Variants in NDUFS2 observed in about 807,000 individuals in gnomAD.
The protein encoded by NDUFS2 is NADH:ubiquinone oxidoreductase core subunit S2.
NDUFS2 carries 38 observed loss-of-function variants against 69.6 expected under a neutral mutation model. The observed-to-expected ratio is 0.55, with a 90% CI of 0.42 to 0.72. The LOEUF (loss-of-function observed/expected upper bound fraction) is 0.72, where lower values mean the gene tolerates loss of function less well. Ranked by LOEUF, NDUFS2 falls within the 30% of genes least tolerant of loss-of-function variation. NDUFS2 has a pLI of 0.00. For missense variants in NDUFS2, 468 were observed against 595.0 expected, an observed-to-expected ratio of 0.79 and a Z score of 2.22; for synonymous variants, 194 against 211.2, an observed-to-expected ratio of 0.92 and a Z score of 0.70.
At chr1:161,201,864 T>G (rs943178547), upstream of NDUFS2, among the ~76,000 whole-genome samples, 3 of 152,228 alleles carry the variant, frequency 2.0e-5, no homozygotes, top group African/African-American at 7.2e-5. Context: ...CTTAGGCTCC[T>G]TTCTCCAATC....
At chr1:161,204,877 C>G (rs1362660344) in intron 2 of NDUFS2, among the ~76,000 whole-genome samples, 1 of 152,040 alleles carries the variant, frequency 6.6e-6, no homozygotes, top group Non-Finnish European at 1.5e-5. Flanking sequence ...ATGGTGAAAC[C>G]CCGCCTCTAC....
chr1:161,207,484 G>A (rs1306897606), intron 3 of NDUFS2, among the ~76,000 whole-genome samples: 2 of 152,000 alleles, frequency 1.3e-5, no homozygotes, highest in African/African-American at 4.8e-5. Context: ...CACTCTGGCC[G>A]GGCTCACGCC....
chr1:161,212,541 G>C (rs1484042085), intron 10 of NDUFS2, 61 bp downstream of exon 10: 2 of 1,590,486 alleles, frequency 1.3e-6, no homozygotes, highest in Non-Finnish European at 1.7e-6. Context: ...CTGGGGAGGA[G>C]TATCCTTGGA....
chr1:161,213,489 G>T lies in NDUFS2; in HGVS notation c.1212+14G>T, dbSNP rs1347187467. 2.5e-6 allele frequency: 4 copies of T among 1,602,924 alleles called. No homozygotes were observed. The South Asian group carries it at 4.4e-5, about 18-fold the overall frequency. The stretch of plus-strand genomic sequence containing the variant: ...GAGGCTCCCAAGGTAAGGAGAGGAG[G>T]GGAAGGAAAAGACCATATGTAGAGT... On this transcript the variant is annotated intron_variant, in intron 11 of 13. Transcript: ENST00000676972.
At chr1:161,202,259 C>T (rs994282920), upstream of NDUFS2, 5 of 896,930 alleles carry the variant, frequency 5.6e-6, no homozygotes, top group Admixed American at 2.0e-5. Context: ...GTCAGTTCGA[C>T]GGTAAACGAC....
Position 161,214,258 on chromosome 1 carries a change from G to A in NDUFS2, c.*65G>A. On this transcript the variant is annotated 3_prime_UTR_variant, in exon 14 of 14. Coordinates refer to ENST00000676972, the MANE Select transcript of NDUFS2 (RefSeq NM_001377299.1). ...CTTCTGTGGAGCCTGTTCCTCACTGGAAATTGGCCTCTGTGTGTGTGTGTG... is the reference window on the plus strand; with the variant it reads ...CTTCTGTGGAGCCTGTTCCTCACTGAAAATTGGCCTCTGTGTGTGTGTGTG... The A allele has an allele frequency of 6.9e-7, 1 of 1,448,080 alleles. No individual in the cohort carries two copies. Among genetic ancestry groups the A allele is most frequent in the Non-Finnish European group, 9.6e-7 (1 of 1,039,574 alleles). 89.7% of individuals were successfully genotyped at this position (1,448,080 alleles called of 1,614,324 possible).
chr1:161,203,524 G>C lies in NDUFS2; in HGVS notation c.183G>C (p.Trp61Cys). 1 of 1,613,716 alleles carries C rather than the reference G, an allele frequency of 6.2e-7. No individual in the cohort carries two copies. Among genetic ancestry groups the C allele is most frequent in the Non-Finnish European group, 8.5e-7 (1 of 1,179,948 alleles). ...VMYPSKETAHWKPPPWNDVDP... is the reference protein window; with the variant it reads ...VMYPSKETAHCKPPPWNDVDP... ...ACCCAAGCAAAGAAACAGCCCACTGGAAGCCTCCACCTTGGAATGGTGAGT... is the reference window on the plus strand; with the variant it reads ...ACCCAAGCAAAGAAACAGCCCACTGCAAGCCTCCACCTTGGAATGGTGAGT... Residue 61 changes from tryptophan (W) to cysteine (C), a missense_variant, in exon 2 of 14, where the codon TGG becomes TGC. Coordinates refer to ENST00000676972, the MANE Select transcript of NDUFS2 (RefSeq NM_001377299.1).
rs1395155982 is a variant in NDUFS2 at position 161,206,538 on chromosome 1, C to T, written c.334C>T (p.His112Tyr). ...SGEMVRKCDP[H>Y]IGLLHRGTEK... is the part of the protein sequence containing the mutation. ...GGAGATGGTGCGGAAGTGTGATCCT[C>T]ACATCGGGCTCCTGCACCGAGGCAC... The change falls in exon 3 of 14, where the codon CAC becomes TAC. Residue 112 changes from histidine to tyrosine, a missense_variant. By Grantham distance (83) the His-to-Tyr change is moderately conservative. Coordinates refer to ENST00000676972, the MANE Select transcript of NDUFS2 (RefSeq NM_001377299.1). 6.2e-7 allele frequency: 1 copy of T among 1,614,170 alleles called. No homozygotes were observed. Among genetic ancestry groups the T allele is most frequent in the Non-Finnish European group, 8.5e-7 (1 of 1,180,030 alleles).
intron 3 of NDUFS2, 103 bp downstream of exon 3, chr1:161,206,700 A>T (rs1026948101): frequency 8.0e-7 from 1 of 1,257,386 alleles, no homozygotes. Context: ...GAAGGTGTTG[A>T]GAGGAGTAAC....
In NDUFS2 at chr1:161,202,458, C is replaced by A. The variant is rs761206241; in HGVS notation, c.73C>A (p.Arg25=). The change falls in exon 1 of 14, where the codon CGA becomes AGA. Residue 25 remains arginine (R), a synonymous_variant. Transcript: ENST00000676972. ...GGTGCTGCGGCCTGGGGCTGGAGTC[C>A]GATTGCCGATTCAGCCCAGCAGGTG... is the stretch of plus-strand genomic sequence containing the variant. ...AQVLRPGAGV[R]LPIQPSRGVR... 5.1e-5 allele frequency: 82 copies of A among 1,611,668 alleles called. No individual in the cohort carries two copies. In the South Asian group the frequency reaches 9.0e-4, roughly 18 times the overall value.
rs748063077 is a variant in NDUFS2 at position 161,212,331 on chromosome 1, C to T, written c.987-20C>T. 1 of 1,613,112 alleles carries T rather than the reference C, an allele frequency of 6.2e-7. No homozygotes were observed. Among genetic ancestry groups the T allele is most frequent in the South Asian group, 1.1e-5 (1 of 91,046 alleles). ...TGCTCCTCTGACTGTTCTTCTCTTG[C>T]TCTGTCTCATCTTCTTGAGGTACCT... On this transcript the variant is annotated intron_variant, in intron 9 of 13. Transcript: ENST00000676972.
At chr1:161,212,646 G>C (rs557908808) in intron 10 of NDUFS2, 166 bp downstream of exon 10, 36 of 798,540 alleles carry the variant, frequency 4.5e-5, no homozygotes, top group Non-Finnish European at 5.3e-5. Context: ...TGCAACCTCC[G>C]CCTCCCAGGT....
rs1553250534 is a variant in NDUFS2 at position 161,214,269 on chromosome 1, C to CTCTGTG, written c.*77_*78insCTGTGT. 2 of 896,472 alleles carry CTCTGTG rather than the reference C, an allele frequency of 2.2e-6. No homozygotes were observed. Among genetic ancestry groups the CTCTGTG allele is most frequent in the South Asian group, 1.4e-5 (1 of 70,730 alleles). The allele number at this position is 896,472 out of a possible 1,614,324, so 55.5% of individuals were successfully genotyped here. On this transcript the variant is annotated 3_prime_UTR_variant, in exon 14 of 14. Transcript: ENST00000676972. The stretch of plus-strand genomic sequence containing the variant: ...CCTGTTCCTCACTGGAAATTGGCCT[C>CTCTGTG]TGTGTGTGTGTGTGTGTGTGTGTGT...
intron 3 of NDUFS2, among the ~76,000 whole-genome samples, chr1:161,207,107 G>C (rs1209605613): frequency 6.6e-6 from 1 of 152,212 alleles, no homozygotes; most frequent in Non-Finnish European, 1.5e-5. Flanking sequence ...ATTTGAAGGA[G>C]TTGGATCTCT....
At position 161,213,645 on chromosome 1, in the gene NDUFS2, A is replaced by G; in HGVS notation, c.1213-4A>G. 6.2e-7 allele frequency: 1 copy of G among 1,614,088 alleles called. No individual in the cohort carries two copies. Among genetic ancestry groups the G allele is most frequent in the Non-Finnish European group, 8.5e-7 (1 of 1,179,922 alleles). The stretch of plus-strand genomic sequence containing the variant: ...ACAGACACCCAACCTTCTTCCTTGA[A>G]CAGGGAGAGTTTGGGGTGTACCTGG... On this transcript the variant is annotated splice_polypyrimidine_tract_variant and splice_region_variant and intron_variant, in intron 11 of 13. Coordinates refer to ENST00000676972, the MANE Select transcript of NDUFS2 (RefSeq NM_001377299.1).
At chr1:161,206,247 C>A (rs949491944) in intron 2 of NDUFS2, among the ~76,000 whole-genome samples, 160 bp from the exon 3 acceptor site, 1 of 152,014 alleles carries the variant, frequency 6.6e-6, no homozygotes, top group African/African-American at 2.4e-5. Context: ...TCCTTTTCCC[C>A]ATCTAAGAGT....
At position 161,210,632 on chromosome 1, in the gene NDUFS2, G is replaced by C; in HGVS notation, c.908G>C (p.Arg303Pro). 6.2e-7 allele frequency: 1 copy of C among 1,614,112 alleles called. No individual in the cohort carries two copies. The highest frequency in any genetic ancestry group is 8.5e-7 in the Non-Finnish European group (1 of 1,180,010). Residue 303 changes from arginine (R) to proline (P), a missense_variant, in exon 9 of 14, where the codon CGG (arginine) becomes CCG (proline). By Grantham distance (103) the Arg-to-Pro change is moderately radical. Transcript: ENST00000676972. Reference sequence around the variant, plus strand: ...GGCTCAGGCATCCAGTGGGACCTGCGGAAGACCCAGCCCTATGATGTTTAC... The same window carrying C: ...GGCTCAGGCATCCAGTGGGACCTGCCGAAGACCCAGCCCTATGATGTTTAC... ...LRGSGIQWDL[R>P]KTQPYDVYDQ...
At chr1:161,212,319 GTTC>G (rs1166248396) in intron 9 of NDUFS2, 29 bp from the exon 10 acceptor site, 4 of 1,612,552 alleles carry the variant, frequency 2.5e-6, no homozygotes, top group Non-Finnish European at 3.4e-6. Flanking sequence ...TCCTCTGACT[GTTC>G]TTCTCTTGCT....
chr1:161,210,084 T>G (rs780718688), intron 6 of NDUFS2, 27 bp from the exon 7 acceptor site: 1 of 1,608,154 alleles, frequency 6.2e-7, no homozygotes, highest in Non-Finnish European at 8.5e-7. Context: ...TATGCCACAT[T>G]CAGTAGCACT....
Sources: gnomAD v4.1 joint callset for allele counts (sites outside exome capture counted in the v4.1 genomes callset) on GRCh38, gnomAD v4.1.1 for gene constraint, MANE v1.5 for transcripts, NCBI Gene and HGNC (gene_info 2026-07-23, HGNC 2026-07-21) for gene names.